The following SCAI variants were observed in gnomAD, a reference collection of about 807,000 sequenced individuals.
SCAI encodes the protein protein SCAI.
A neutral mutation model predicts 92.2 loss-of-function variants in SCAI; 24 were observed. The observed-to-expected ratio is 0.26, with a 90% confidence interval of 0.19 to 0.37. The LOEUF is 0.37. SCAI is among the 10% of genes least tolerant of loss of function. The pLI is 1.00. For synonymous variants in SCAI, 261 were observed against 258.6 expected, an observed-to-expected ratio of 1.01 and a Z score of -0.09; for missense variants, 450 against 736.2, an observed-to-expected ratio of 0.61 and a Z score of 4.50.
chr9:125,071,263 G>A (rs1274173459), intron 2 of SCAI, among the ~76,000 whole-genome samples: 2 of 152,150 alleles, frequency 1.3e-5, no homozygotes, highest in Non-Finnish European at 2.9e-5. Context: ...GCCTGGCATG[G>A]TGTTGTGTGC....
chr9:124,963,852 G>A (rs1437130412), intron 17 of SCAI, among the ~76,000 whole-genome samples: 1 of 151,198 alleles, frequency 6.6e-6, no homozygotes, highest in Non-Finnish European at 1.5e-5. Flanking sequence ...TATCATAAAG[G>A]TCTTCATCCT....
In SCAI at chr9:124,944,714, G is replaced by A. The variant is rs1480084792; in HGVS notation, c.*8093C>T. ...TACAGTGGTTATCCCTCTATGGTTTGGAAGTATTTACTTTTGGGATTCTCA... is the reference window on the plus strand; with the variant it reads ...TACAGTGGTTATCCCTCTATGGTTTAGAAGTATTTACTTTTGGGATTCTCA... On this transcript the variant is annotated 3_prime_UTR_variant, in exon 18 of 18. Coordinates refer to ENST00000336505, the MANE Select transcript of SCAI (RefSeq NM_001144877.3). The A allele has an allele frequency of 6.6e-6, 1 of 151,908 alleles. No individual in the cohort carries two copies. The highest frequency in any genetic ancestry group is 2.4e-5 in the African/African-American group (1 of 41,352). 9.4% of individuals were successfully genotyped at this position (151,908 alleles called of 1,614,324 possible).
chr9:125,071,420 T>C lies in SCAI; in HGVS notation c.99-15413A>G, dbSNP rs1292697831. ...CTCAAAGAAAAAAAGTTACATGTTA[T>C]AATAATAATGAAAAGAGAAATGCAT... On this transcript the variant is annotated intron_variant, in intron 2 of 17. Transcript: ENST00000336505. Among the ~76,000 whole-genome samples, 6 of 152,164 alleles carry C rather than the reference T, an allele frequency of 3.9e-5. No individual in the cohort carries two copies. In the East Asian group the frequency reaches 9.7e-4, roughly 25 times the overall value.
chr9:124,956,218 C>CT (rs762445754), intron 17 of SCAI, among the ~76,000 whole-genome samples: 12 of 149,896 alleles, frequency 8.0e-5, no homozygotes, highest in Admixed American at 1.3e-4. Context: ...GTTGATTTAA[C>CT]TTTTTTTTTT....
At chr9:125,018,709 T>G in intron 9 of SCAI, 90 bp downstream of exon 9, 1 of 1,120,810 alleles carries the variant, frequency 8.9e-7, no homozygotes, top group Non-Finnish European at 1.3e-6. Flanking sequence ...AAGAGGATGT[T>G]AGGATATTTA....
At chr9:125,100,773 T>C (rs1212497778) in intron 2 of SCAI, among the ~76,000 whole-genome samples, 1 of 152,074 alleles carries the variant, frequency 6.6e-6, no homozygotes, top group Non-Finnish European at 1.5e-5. Context: ...AAGACCTCAC[T>C]AAGATGACAT....
intron 15 of SCAI, 77 bp downstream of exon 15, chr9:124,976,037 C>A: frequency 1.1e-6 from 1 of 914,164 alleles, no homozygotes; most frequent in Non-Finnish European, 1.8e-6. Context: ...GAGGAAAAAA[C>A]AAAGATCAGT....
At chr9:125,111,221 A>C (rs960121164) in intron 2 of SCAI, among the ~76,000 whole-genome samples, 3 of 152,130 alleles carry the variant, frequency 2.0e-5, no homozygotes, top group African/African-American at 7.2e-5. Flanking sequence ...AAAAAAAATC[A>C]ATCAAATTAA....
intron 3 of SCAI, among the ~76,000 whole-genome samples, chr9:125,044,003 C>T (rs543902030): frequency 2.5e-4 from 38 of 152,244 alleles, no homozygotes; most frequent in Admixed American, 1.5e-3. Context: ...TCCCTGCCCC[C>T]ACATGCTTGA....
chr9:125,060,263 A>G (rs559578906), intron 2 of SCAI, among the ~76,000 whole-genome samples: 1,788 of 121,444 alleles, frequency 0.015, 22 homozygotes, highest in African/African-American at 0.053. Flanking sequence ...GCTTAGTATG[A>G]AAAAAAAAAA....
intron 17 of SCAI, among the ~76,000 whole-genome samples, chr9:124,955,659 T>TG (rs1831305342): frequency 7.0e-6 from 1 of 142,506 alleles, no homozygotes; most frequent in Admixed American, 7.0e-5. Context: ...CATACATAAG[T>TG]GAAAAAAAAA....
intron 17 of SCAI, chr9:124,968,435 C>T: frequency 9.5e-7 from 1 of 1,055,270 alleles, no homozygotes; most frequent in Admixed American, 1.7e-5. Flanking sequence ...AGTCATAACG[C>T]TTGAGTCCAC....
chr9:125,109,587 A>C (rs1834890312), intron 2 of SCAI, among the ~76,000 whole-genome samples: 1 of 152,196 alleles, frequency 6.6e-6, no homozygotes, highest in Admixed American at 6.5e-5. Flanking sequence ...ACAGAAGTAA[A>C]ATGTGTTATT....
intron 2 of SCAI, among the ~76,000 whole-genome samples, chr9:125,114,740 C>T (rs945156538): frequency 4.1e-5 from 6 of 145,606 alleles, no homozygotes; most frequent in African/African-American, 7.6e-5. Context: ...AAGTAGCTGG[C>T]GCTACAGGTG....
At chr9:125,001,648 C>T (rs1832364198) in intron 12 of SCAI, among the ~76,000 whole-genome samples, 1 of 152,152 alleles carries the variant, frequency 6.6e-6, no homozygotes, top group Non-Finnish European at 1.5e-5. Flanking sequence ...TTCCATCATC[C>T]TTTTCAACTT....
At chr9:125,065,107 A>C (rs1370951000) in intron 2 of SCAI, among the ~76,000 whole-genome samples, 2 of 152,168 alleles carry the variant, frequency 1.3e-5, no homozygotes, top group Non-Finnish European at 2.9e-5. Flanking sequence ...GAGGGCAATA[A>C]ATTTACATAG....
intron 9 of SCAI, among the ~76,000 whole-genome samples, chr9:125,010,882 C>T (rs1030973469): frequency 9.9e-5 from 15 of 152,140 alleles, no homozygotes; most frequent in Admixed American, 2.0e-4. Context: ...CACGAAAATC[C>T]GCTGTTCTGC....
intron 3 of SCAI, among the ~76,000 whole-genome samples, chr9:125,044,546 C>T (rs1298863852): frequency 6.6e-6 from 1 of 152,142 alleles, no homozygotes; most frequent in African/African-American, 2.4e-5. Context: ...CTCCTGAGAG[C>T]TCTTCTGTCA....
intron 2 of SCAI, among the ~76,000 whole-genome samples, chr9:125,135,049 G>A (rs1045286968): frequency 6.6e-5 from 10 of 151,998 alleles, no homozygotes; most frequent in Non-Finnish European, 8.8e-5. Context: ...ACATTATTTT[G>A]GACAACCAAA....
Sources: allele counts gnomAD v4.1 joint callset (sites outside exome capture counted in the v4.1 genomes callset), GRCh38; gene constraint gnomAD v4.1.1; transcripts MANE v1.5; gene names NCBI Gene and HGNC (gene_info 2026-07-23, HGNC 2026-07-21).